Variants in GPR83 observed in about 807,000 individuals in gnomAD.
GPR83 encodes the protein G-protein coupled receptor 72.
GPR83 carries 23 observed loss-of-function variants against 28.0 expected under a neutral mutation model. The ratio of observed to expected loss-of-function variants is 0.82; its 90% CI spans 0.59 to 1.16. The LOEUF (loss-of-function observed/expected upper bound fraction) is 1.16. Ranked by LOEUF, GPR83 falls within the 50% of genes most tolerant of loss-of-function variation. The pLI is 0.00. For missense variants in GPR83, 610 were observed against 536.6 expected, an observed-to-expected ratio of 1.14 and a Z score of -1.35; for synonymous variants, 234 against 215.4, an observed-to-expected ratio of 1.09 and a Z score of -0.76.
chr11:94,382,571 C>G (rs1362301972), intron 3 of GPR83, among the ~76,000 whole-genome samples: 1 of 152,086 alleles, frequency 6.6e-6, no homozygotes, highest in Non-Finnish European at 1.5e-5. Flanking sequence ...CAGACTCTCA[C>G]ACAATAATAG....
rs780068497 is a variant in GPR83 at position 94,380,577 on chromosome 11, C to A, written c.844G>T (p.Ala282Ser). 16 of 1,614,190 alleles carry A rather than the reference C, an allele frequency of 9.9e-6. No individual in the cohort carries two copies. Among genetic ancestry groups the A allele is most frequent in the Non-Finnish European group, 1.4e-5 (16 of 1,180,024 alleles). ...GTCTTCTTCTTTTTGCGCCGCAGGG[C>A]AAAGTACTGCTCTGTGGTCACATCG... The part of the protein sequence containing the change: ...IGDVTTEQYF[A>S]LRRKKKKTIK... The change falls in exon 4 of 4, where the codon GCC becomes TCC. Residue 282 changes from alanine (A) to serine (S), a missense_variant. Transcript: ENST00000243673.
chr11:94,389,475 C>G (rs1340907698), intron 3 of GPR83, among the ~76,000 whole-genome samples: 1 of 152,030 alleles, frequency 6.6e-6, no homozygotes, highest in Non-Finnish European at 1.5e-5. Flanking sequence ...AACAAATTTA[C>G]AAGAAAAATC....
At position 94,380,543 on chromosome 11, in the gene GPR83, A is replaced by T. The variant is rs772855343; in HGVS notation, c.878T>A (p.Met293Lys). 1.2e-6 allele frequency: 2 copies of T among 1,614,222 alleles called. No homozygotes were observed. Among genetic ancestry groups the T allele is most frequent in the Non-Finnish European group, 1.7e-6 (2 of 1,180,038 alleles). Reference protein sequence around the residue: ...LRRKKKKTIKMLMLVVVLFAL... With the variant: ...LRRKKKKTIKKLMLVVVLFAL... ...AAAGAGGACTACCACCAGCATCAACATCTTGATGGTCTTCTTCTTTTTGCG... is the reference window on the plus strand; with the variant it reads ...AAAGAGGACTACCACCAGCATCAACTTCTTGATGGTCTTCTTCTTTTTGCG... The change falls in exon 4 of 4, where the codon ATG (methionine) becomes AAG (lysine). Residue 293 changes from methionine (M) to lysine (K), a missense_variant. Coordinates refer to ENST00000243673, the MANE Select transcript of GPR83 (RefSeq NM_016540.4).
intron 3 of GPR83, among the ~76,000 whole-genome samples, chr11:94,389,118 C>T (rs1944789051): frequency 2.0e-5 from 3 of 152,126 alleles, no homozygotes; most frequent in Non-Finnish European, 4.4e-5. Context: ...ATTGGCTAGC[C>T]ATATGTAGAA....
intron 1 of GPR83, among the ~76,000 whole-genome samples, chr11:94,399,699 GAGAC>G (rs1176379543): frequency 9.9e-5 from 15 of 152,184 alleles, no homozygotes; most frequent in African/African-American, 2.9e-4. Flanking sequence ...AGATGGCAAG[GAGAC>G]AGACAGAGAG....
intron 3 of GPR83, among the ~76,000 whole-genome samples, chr11:94,381,224 C>T (rs1251218607): frequency 6.6e-6 from 1 of 152,104 alleles, no homozygotes; most frequent in Admixed American, 6.5e-5. Flanking sequence ...AACTAACATC[C>T]CTTCAGCCAC....
intron 1 of GPR83, among the ~76,000 whole-genome samples, chr11:94,397,878 C>T (rs143664967): frequency 1.1e-3 from 164 of 152,112 alleles, no homozygotes; most frequent in Admixed American, 2.2e-3. Flanking sequence ...ATGTCAAGTC[C>T]GGCCAGATCT....
At chr11:94,387,654 A>G (rs1565185899) in intron 3 of GPR83, among the ~76,000 whole-genome samples, 1 of 152,226 alleles carries the variant, frequency 6.6e-6, no homozygotes, top group Non-Finnish European at 1.5e-5. Flanking sequence ...TGAATAGACC[A>G]ATAACAGGCT....
chr11:94,399,647 C>A (rs1384610250), intron 1 of GPR83, among the ~76,000 whole-genome samples: 1 of 152,154 alleles, frequency 6.6e-6, no homozygotes, highest in Non-Finnish European at 1.5e-5. Context: ...GGGGGTTCAT[C>A]CTGTGTTTTT....
At chr11:94,381,551 G>T (rs1944688754) in intron 3 of GPR83, among the ~76,000 whole-genome samples, 1 of 36,412 alleles carries the variant, frequency 2.7e-5, no homozygotes, top group East Asian at 1.4e-3. Context: ...TGTCACAGGA[G>T]TGAGTGAGTG....
Position 94,380,131 on chromosome 11 carries a change from C to T in GPR83, c.*18G>A. The T allele has an allele frequency of 4.7e-6, 7 of 1,501,948 alleles. No individual in the cohort carries two copies. Among genetic ancestry groups the T allele is most frequent in the Non-Finnish European group, 6.2e-6 (7 of 1,125,238 alleles). 93.0% of individuals were successfully genotyped at this position (1,501,948 alleles called of 1,614,324 possible). On this transcript the variant is annotated 3_prime_UTR_variant, in exon 4 of 4. Transcript: ENST00000243673. ...CAGGTGGAGACAGACCCCTCCCACT[C>T]CCTCTTCCCAACCTCTTCTAACTCA... is the stretch of plus-strand genomic sequence containing the variant.
intron 3 of GPR83, among the ~76,000 whole-genome samples, chr11:94,382,689 G>C (rs1444178781): frequency 1.3e-5 from 2 of 152,120 alleles, no homozygotes; most frequent in African/African-American, 4.8e-5. Context: ...GGACCTAATA[G>C]ACATCTACAG....
Position 94,378,396 on chromosome 11 carries a change from C to T in GPR83, c.*1753G>A, listed in dbSNP as rs1030623749. On this transcript the variant is annotated 3_prime_UTR_variant, in exon 4 of 4. Transcript: ENST00000243673. Reference sequence around the variant, plus strand: ...GAGTTTATCTGGTGCTAGAAGAAAACCTAAAAGCAGTGTGTCAGTAACAAT... The same window carrying T: ...GAGTTTATCTGGTGCTAGAAGAAAATCTAAAAGCAGTGTGTCAGTAACAAT... 6.6e-5 allele frequency: 10 copies of T among 152,160 alleles called. No homozygotes were observed. The highest frequency in any genetic ancestry group is 1.3e-4 in the Admixed American group (2 of 15,274). 9.4% of individuals were successfully genotyped at this position (152,160 alleles called of 1,614,324 possible).
At chr11:94,387,425 C>T (rs532127995) in intron 3 of GPR83, among the ~76,000 whole-genome samples, 4 of 151,936 alleles carry the variant, frequency 2.6e-5, no homozygotes, top group African/African-American at 4.8e-5. Flanking sequence ...ATTGATAGAC[C>T]GCTAGCAAGA....
intron 3 of GPR83, among the ~76,000 whole-genome samples, chr11:94,388,038 G>A (rs143810049): frequency 0.065 from 9,848 of 152,110 alleles, 431 homozygotes; most frequent in Admixed American, 0.13. Flanking sequence ...ATCAATAAAC[G>A]TAATCCAGCA....
intron 3 of GPR83, among the ~76,000 whole-genome samples, chr11:94,390,411 A>G (rs185416312): frequency 6.6e-6 from 1 of 152,332 alleles, no homozygotes; most frequent in African/African-American, 2.4e-5. Flanking sequence ...GAAAACTGGC[A>G]TAAAATAAGG....
chr11:94,384,623 A>G (rs1353908406), intron 3 of GPR83, among the ~76,000 whole-genome samples: 1 of 152,140 alleles, frequency 6.6e-6, no homozygotes, highest in Non-Finnish European at 1.5e-5. Flanking sequence ...GCACCTGGAA[A>G]ATCAGGTCAG....
chr11:94,398,685 C>T (rs1349778496), intron 1 of GPR83, among the ~76,000 whole-genome samples: 1 of 152,174 alleles, frequency 6.6e-6, no homozygotes, highest in Non-Finnish European at 1.5e-5. Context: ...TTCATGCTGA[C>T]TGCAGTAGAT....
chr11:94,401,199 T>C lies in GPR83; in HGVS notation c.49A>G (p.Thr17Ala). ...LLCLLPLVRA[T>A]EPHEGRADEQ... ...TCGGCCCGGCCCTCGTGGGGCTCGG[T>C]GGCTCGCACCAAGGGGAGGAGACAG... Residue 17 changes from threonine (T) to alanine (A), a missense_variant, in exon 1 of 4, where the codon ACC becomes GCC. By Grantham distance (58) the Thr-to-Ala change is moderately conservative (BLOSUM62 0). Transcript: ENST00000243673. 1 of 1,612,716 alleles carries C rather than the reference T, an allele frequency of 6.2e-7. No individual in the cohort carries two copies. The highest frequency in any genetic ancestry group is 8.5e-7 in the Non-Finnish European group (1 of 1,179,556).
Sources: gnomAD v4.1 joint callset for allele counts (sites outside exome capture counted in the v4.1 genomes callset) on GRCh38, gnomAD v4.1.1 for gene constraint, MANE v1.5 for transcripts, NCBI Gene and HGNC (gene_info 2026-07-23, HGNC 2026-07-21) for gene names.